MAML2: variants seen among roughly 807,000 people sequenced by gnomAD.
MAML2 encodes mastermind-like protein 2.
Under a neutral mutation model 96.1 loss-of-function variants are expected in MAML2, and 22 were observed. The ratio of observed to expected loss-of-function variants is 0.23; its 90% CI spans 0.16 to 0.33. MAML2 has a LOEUF of 0.33. MAML2 is among the 10% of genes least tolerant of loss of function. The probability of loss-of-function intolerance (pLI) is 1.00; values close to 1 mark genes in which losing one functional copy is unlikely to be tolerated. For synonymous variants in MAML2, 561 were observed against 521.3 expected, an observed-to-expected ratio of 1.08 and a Z score of -1.04; for missense variants, 1,367 against 1,392.4, an observed-to-expected ratio of 0.98 and a Z score of 0.29.
chr11:96,229,484 C>T (rs973314298), intron 1 of MAML2, among the ~76,000 whole-genome samples: 84 of 150,120 alleles, frequency 5.6e-4, no homozygotes, highest in African/African-American at 2.0e-3. Flanking sequence ...GGATCCCTTA[C>T]CAGATACTAC....
intron 2 of MAML2, among the ~76,000 whole-genome samples, chr11:96,034,388 C>A (rs1742657608): frequency 6.8e-6 from 1 of 148,038 alleles, no homozygotes; most frequent in Non-Finnish European, 1.5e-5. Flanking sequence ...CCAGCTAGGG[C>A]AGTTGGTCAA....
rs140432413 is a variant in MAML2 at position 96,056,352 on chromosome 11, A to G, written c.2139+35540T>C. 3.4e-3 allele frequency among the ~76,000 whole-genome samples: 463 copies of G among 137,574 alleles called. 3 individuals are homozygous for G. Among genetic ancestry groups the G allele is most frequent in the African/African-American group, 0.012 (435 of 37,384 alleles). 90.3% of individuals were successfully genotyped at this position (137,574 alleles called of 152,430 possible). Reference sequence around the variant, plus strand: ...AGCATTTTAGAATCCTTTGGGTCACATGTTCTCTCTTTTAGTTTTATGGCT... The same window carrying G: ...AGCATTTTAGAATCCTTTGGGTCACGTGTTCTCTCTTTTAGTTTTATGGCT... On this transcript the variant is annotated intron_variant, in intron 2 of 4. Coordinates refer to ENST00000524717, the MANE Select transcript of MAML2 (RefSeq NM_032427.4).
intron 1 of MAML2, among the ~76,000 whole-genome samples, chr11:96,228,128 T>G (rs763385313): frequency 6.6e-6 from 1 of 152,136 alleles, no homozygotes; most frequent in Non-Finnish European, 1.5e-5. Flanking sequence ...ATTTTTTTCT[T>G]CTTGTTCAGG....
chr11:95,992,214 C>G (rs1218998225), intron 2 of MAML2, among the ~76,000 whole-genome samples: 2 of 152,170 alleles, frequency 1.3e-5, no homozygotes, highest in Admixed American at 6.5e-5. Flanking sequence ...GACAGAAAGG[C>G]AGGAAGGCCT....
intron 1 of MAML2, among the ~76,000 whole-genome samples, chr11:96,306,491 A>C (rs1363707166): frequency 1.3e-5 from 2 of 152,192 alleles, no homozygotes; most frequent in Non-Finnish European, 2.9e-5. Context: ...ATTTTCCTTT[A>C]TGTGGATCTA....
intron 2 of MAML2, among the ~76,000 whole-genome samples, chr11:96,050,991 G>A (rs1374037928): frequency 6.6e-6 from 1 of 152,154 alleles, no homozygotes; most frequent in Non-Finnish European, 1.5e-5. Context: ...GATAGTCTTA[G>A]GAGTCTAAAT....
At chr11:96,216,099 A>G (rs145101209) in intron 1 of MAML2, among the ~76,000 whole-genome samples, 40 of 152,240 alleles carry the variant, frequency 2.6e-4, no homozygotes, top group African/African-American at 9.1e-4. Flanking sequence ...GTCCACAGGA[A>G]CTACACAAAC....
chr11:96,187,792 C>CAA (rs5793787), intron 1 of MAML2, among the ~76,000 whole-genome samples: 47,044 of 128,012 alleles, frequency 0.37, 7,831 homozygotes, highest in Middle Eastern at 0.45. Flanking sequence ...AACTCTGTCT[C>CAA]AAAAAAAAAA....
intron 1 of MAML2, among the ~76,000 whole-genome samples, chr11:96,121,083 A>AG (rs57976012): frequency 1 from 151,758 of 152,120 alleles, 75,698 homozygotes; most frequent in Middle Eastern, 1. Flanking sequence ...AGCCAGAGTC[A>AG]GGGGGGAGTG....
chr11:96,098,361 A>T (rs1231041435), intron 1 of MAML2, among the ~76,000 whole-genome samples: 2 of 152,242 alleles, frequency 1.3e-5, no homozygotes, highest in Non-Finnish European at 2.9e-5. Context: ...AGCAGGATGT[A>T]AAGGCTTCCA....
At chr11:96,167,821 A>G (rs972887523) in intron 1 of MAML2, among the ~76,000 whole-genome samples, 4 of 152,178 alleles carry the variant, frequency 2.6e-5, no homozygotes. Context: ...GTTCTCACTG[A>G]GCCATATATT....
intron 1 of MAML2, among the ~76,000 whole-genome samples, chr11:96,148,659 T>C (rs1037299949): frequency 6.8e-5 from 9 of 131,866 alleles, no homozygotes; most frequent in South Asian, 5.2e-4. Context: ...TTCTGAAAAA[T>C]ACACACACAC....
At chr11:96,203,235 T>G (rs990834293) in intron 1 of MAML2, among the ~76,000 whole-genome samples, 1 of 152,234 alleles carries the variant, frequency 6.6e-6, no homozygotes, top group African/African-American at 2.4e-5. Flanking sequence ...TTCATGGTGT[T>G]TACACATCAG....
intron 2 of MAML2, among the ~76,000 whole-genome samples, chr11:96,074,924 GC>G (rs1235695556): frequency 6.6e-6 from 1 of 152,112 alleles, no homozygotes; most frequent in Non-Finnish European, 1.5e-5. Context: ...GAGTGGTGTT[GC>G]ATATTTTGCT....
intron 1 of MAML2, among the ~76,000 whole-genome samples, chr11:96,277,295 G>A (rs1375728694): frequency 3.9e-5 from 6 of 151,944 alleles, no homozygotes; most frequent in African/African-American, 7.3e-5. Context: ...TTTGTTACAC[G>A]CACAGAATGA....
intron 1 of MAML2, among the ~76,000 whole-genome samples, chr11:96,295,644 T>C (rs184795561): frequency 2.6e-5 from 4 of 151,798 alleles, no homozygotes; most frequent in African/African-American, 4.8e-5. Flanking sequence ...TTAAACTACA[T>C]TGTGGTTCAA....
chr11:96,155,550 A>ATATATT (rs1860999536), intron 1 of MAML2, among the ~76,000 whole-genome samples: 1 of 128,322 alleles, frequency 7.8e-6, no homozygotes, highest in Non-Finnish European at 1.6e-5. Flanking sequence ...ATATATATAT[A>ATATATT]TGAGGAAAGT....
Position 96,341,790 on chromosome 11 carries a change from T to C in MAML2, c.106A>G (p.Ile36Val). The C allele has an allele frequency of 3.7e-6, 6 of 1,609,378 alleles. No individual in the cohort carries two copies. Among genetic ancestry groups the C allele is most frequent in the Non-Finnish European group, 4.2e-6 (5 of 1,178,968 alleles). Residue 36 changes from isoleucine to valine, a missense_variant, in exon 1 of 5, where the codon ATC (isoleucine) becomes GTC (valine). Transcript: ENST00000524717. ...ATCCGAGCCCGGAGGCGCTCCACGA[T>C]AGCACTGTGCACTCTCGGGGTGACT... ...GSVTPRVHSA[I>V]VERLRARIAV...
Position 96,274,144 on chromosome 11 carries a change from G to A in MAML2, c.513+67239C>T, listed in dbSNP as rs1591108014. On this transcript the variant is annotated intron_variant, in intron 1 of 4. Coordinates refer to ENST00000524717, the MANE Select transcript of MAML2 (RefSeq NM_032427.4). ...GTAGCTCAGGCTGGAGTGCAGCGGC[G>A]CCATCTTGGCTCACTGCAAGCTCCG... Among the ~76,000 whole-genome samples, 3 of 138,312 alleles carry A rather than the reference G, an allele frequency of 2.2e-5. No individual in the cohort carries two copies. The South Asian group carries it at 7.0e-4, about 32-fold the overall frequency. The allele number at this position is 138,312 out of a possible 152,430, so 90.7% of individuals were successfully genotyped here. A position where few individuals can be genotyped will look rare whatever the true frequency, so the allele number is the denominator to read the frequency against.
Sources: gnomAD v4.1 joint callset for allele counts (sites outside exome capture counted in the v4.1 genomes callset) on GRCh38, gnomAD v4.1.1 for gene constraint, MANE v1.5 for transcripts, NCBI Gene and HGNC (gene_info 2026-07-23, HGNC 2026-07-21) for gene names.